Variants in XKR9 observed in about 807,000 individuals in gnomAD.
XKR9 encodes XK-related protein 9.
A neutral mutation model predicts 32.0 loss-of-function variants in XKR9; 32 were observed. That is an observed-to-expected ratio of 1.00 (90% CI 0.76 to 1.34). The LOEUF is 1.34. Ranked by LOEUF, XKR9 falls within the 40% of genes most tolerant of loss-of-function variation. XKR9 has a pLI of 0.00. For missense variants in XKR9, 546 were observed against 429.7 expected (o/e 1.27, Z -2.39); for synonymous variants, 168 against 143.4 (o/e 1.17, Z -1.22).
the XKR9 span, among the ~76,000 whole-genome samples, chr8:70,813,042 ATAC>A: frequency 4.6e-5 from 7 of 152,172 alleles, no homozygotes; most frequent in Non-Finnish European, 7.4e-5. Flanking sequence ...ACTTCAAACT[ATAC>A]TACAAGGCTA....
chr8:70,677,353 G>T (rs912696047), intron 2 of XKR9, among the ~76,000 whole-genome samples: 5 of 151,940 alleles, frequency 3.3e-5, no homozygotes, highest in African/African-American at 1.2e-4. Flanking sequence ...TCACCATGTT[G>T]CCCAGGCTGG....
the XKR9 span, among the ~76,000 whole-genome samples, chr8:70,983,654 G>A: frequency 6.6e-6 from 1 of 152,054 alleles, no homozygotes; most frequent in Non-Finnish European, 1.5e-5. Context: ...GGTGGCAGGT[G>A]CCTGTAATCC....
chr8:70,754,208 G>A lies in XKR9; in HGVS notation n.353-35131G>A, dbSNP rs1365580430. On this transcript the variant is annotated intron_variant and non_coding_transcript_variant, in intron 2 of 3. Coordinates refer to the XKR9 transcript ENST00000520273. ...AAATACTTAGGAATCAACTTACAAG[G>A]GATGTGAAGGATCTCTTCAAGGAGA... Among the ~76,000 whole-genome samples the A allele has an allele frequency of 2.0e-5, 3 of 147,938 alleles. 1 individual carries two copies. Among genetic ancestry groups the A allele is most frequent in the Admixed American group, 1.5e-4 (2 of 13,226 alleles).
At chr8:70,702,317 T>A (rs1204243929) in intron 3 of XKR9, among the ~76,000 whole-genome samples, 1 of 152,148 alleles carries the variant, frequency 6.6e-6, no homozygotes, top group Non-Finnish European at 1.5e-5. Flanking sequence ...CTTTTTGCCT[T>A]TATTAAGACT....
chr8:71,052,135 A>G, the XKR9 span, among the ~76,000 whole-genome samples: 1 of 152,246 alleles, frequency 6.6e-6, no homozygotes, highest in Non-Finnish European at 1.5e-5. Flanking sequence ...CAGGGAAGAA[A>G]GCTTGCGGGC....
intron 3 of XKR9, among the ~76,000 whole-genome samples, chr8:70,701,309 G>T (rs1403488007): frequency 1.3e-5 from 2 of 152,182 alleles, no homozygotes; most frequent in Non-Finnish European, 2.9e-5. Flanking sequence ...GACCGGAGCT[G>T]TTCCTATTCG....
chr8:70,738,284 T>C (rs1292450912), downstream of XKR9, among the ~76,000 whole-genome samples: 1 of 144,132 alleles, frequency 6.9e-6, no homozygotes, highest in African/African-American at 2.5e-5. Context: ...TCTCTGATGG[T>C]AGTTTGTATT....
At chr8:70,669,585 C>A (rs1037538899) in intron 1 of XKR9, 47 bp downstream of exon 1, 7 of 178,520 alleles carry the variant, frequency 3.9e-5, no homozygotes, top group Non-Finnish European at 6.9e-5. Context: ...GGAAGGATTG[C>A]CAGATTTTTA....
At chr8:70,942,417 C>G in the XKR9 span, among the ~76,000 whole-genome samples, 1 of 152,148 alleles carries the variant, frequency 6.6e-6, no homozygotes, top group Non-Finnish European at 1.5e-5. Context: ...TGACATTAAT[C>G]TCTTACTTAC....
chr8:70,806,974 C>T, the XKR9 span, among the ~76,000 whole-genome samples: 1 of 152,010 alleles, frequency 6.6e-6, no homozygotes, highest in East Asian at 1.9e-4. Context: ...TTCAGATTCT[C>T]AATGTTGAAA....
At chr8:70,980,237 C>T in the XKR9 span, among the ~76,000 whole-genome samples, 1 of 152,194 alleles carries the variant, frequency 6.6e-6, no homozygotes, top group African/African-American at 2.4e-5. Context: ...GATGCCCCGC[C>T]CTGCTTTGGC....
intron 2 of XKR9, among the ~76,000 whole-genome samples, chr8:70,743,082 G>C (rs1394774044): frequency 1.3e-5 from 2 of 151,800 alleles, no homozygotes; most frequent in East Asian, 3.9e-4. Flanking sequence ...CTATTCCTGA[G>C]GCTCTGTTCA....
chr8:70,890,513 TA>T, the XKR9 span, among the ~76,000 whole-genome samples: 1 of 151,886 alleles, frequency 6.6e-6, no homozygotes, highest in Non-Finnish European at 1.5e-5. Flanking sequence ...AGTTTTATTA[TA>T]AAGGATGTTG....
intron 2 of XKR9, among the ~76,000 whole-genome samples, chr8:70,750,551 G>T (rs563393474): frequency 6.6e-6 from 1 of 152,242 alleles, no homozygotes; most frequent in African/African-American, 2.4e-5. Flanking sequence ...AAAATTGCAG[G>T]TAAAATAACT....
the XKR9 span, among the ~76,000 whole-genome samples, chr8:70,949,152 A>G: frequency 6.6e-6 from 1 of 152,304 alleles, no homozygotes; most frequent in East Asian, 1.9e-4. Context: ...AAAATCCAGG[A>G]CATTTTATAC....
the XKR9 span, among the ~76,000 whole-genome samples, chr8:70,822,471 CT>C: frequency 6.6e-6 from 1 of 151,526 alleles, no homozygotes; most frequent in Non-Finnish European, 1.5e-5. Context: ...GTATCTGAAT[CT>C]GCTAATTTCC....
chr8:70,880,948 G>A, the XKR9 span, among the ~76,000 whole-genome samples: 1 of 152,136 alleles, frequency 6.6e-6, no homozygotes. Context: ...ACAGAACCGA[G>A]GCCTCAGAAA....
intron 2 of XKR9, among the ~76,000 whole-genome samples, chr8:70,784,516 T>A (rs1580190): frequency 1.3e-5 from 2 of 152,204 alleles, no homozygotes; most frequent in South Asian, 2.1e-4. Context: ...TGTGTAGAAA[T>A]GCTACTGATT....
chr8:70,855,645 C>T, the XKR9 span, among the ~76,000 whole-genome samples: 13 of 152,216 alleles, frequency 8.5e-5, no homozygotes, highest in African/African-American at 2.9e-4. Context: ...AGATACTCCT[C>T]GAGAAAAGCA....
Sources: allele counts gnomAD v4.1 joint callset (sites outside exome capture counted in the v4.1 genomes callset), GRCh38; gene constraint gnomAD v4.1.1; transcripts MANE v1.5; gene names NCBI Gene and HGNC (gene_info 2026-07-23, HGNC 2026-07-21).